Variants in CPA6 observed in about 807,000 individuals in gnomAD.
CPA6 encodes the protein carboxypeptidase A6.
In CPA6, 58 loss-of-function variants were observed where a neutral mutation model predicts 63.3. That is an observed-to-expected ratio of 0.92 (90% CI 0.74 to 1.14). CPA6 has a LOEUF of 1.14. Among genes scored for constraint, CPA6 ranks in the 50% most tolerant of loss-of-function variants. The probability of loss-of-function intolerance (pLI) is 0.00; values close to 1 mark genes in which losing one functional copy is unlikely to be tolerated. For missense variants in CPA6, 565 were observed against 526.6 expected (o/e 1.07, Z -0.71); for synonymous variants, 185 against 179.0 (o/e 1.03, Z -0.27).
At chr8:67,487,117 C>T (rs970266276) in intron 6 of CPA6, among the ~76,000 whole-genome samples, 1 of 152,110 alleles carries the variant, frequency 6.6e-6, no homozygotes, top group African/African-American at 2.4e-5. Flanking sequence ...AGGTTTGTTA[C>T]ATAGGTATAC....
chr8:67,476,745 A>G (rs1811248974), intron 8 of CPA6, among the ~76,000 whole-genome samples: 2 of 152,162 alleles, frequency 1.3e-5, no homozygotes, highest in Admixed American at 6.5e-5. Context: ...AGTCAGTCAG[A>G]TTTGACTTTT....
At position 67,607,243 on chromosome 8, in the gene CPA6, CTTCTT is replaced by C. The variant is rs1564021489; in HGVS notation, c.192+16928_192+16932del. Among the ~76,000 whole-genome samples, 35 of 115,638 alleles carry C rather than the reference CTTCTT, an allele frequency of 3.0e-4. 2 individuals carry two copies. In the East Asian group the frequency reaches 3.5e-3, roughly 12 times the overall value. The allele number at this position is 115,638 out of a possible 152,430, so 75.9% of individuals were successfully genotyped here. On this transcript the variant is annotated intron_variant, in intron 2 of 10. Transcript: ENST00000297770. Reference sequence around the variant, plus strand: ...TCTTCTTCTTCTTCTTCTTCTTCTTCTTCTTCTTCTCCTCCTCCTCCTTTCTTCTT... The same window carrying C: ...TCTTCTTCTTCTTCTTCTTCTTCTTCCTTCTCCTCCTCCTCCTTTCTTCTT...
At chr8:67,718,110 C>A (rs1817417783) in intron 1 of CPA6, among the ~76,000 whole-genome samples, 1 of 152,108 alleles carries the variant, frequency 6.6e-6, no homozygotes, top group Non-Finnish European at 1.5e-5. Flanking sequence ...CCTAAGCCAG[C>A]CTACCTTGGT....
chr8:67,699,350 A>G (rs751311361), intron 1 of CPA6, among the ~76,000 whole-genome samples: 2 of 151,894 alleles, frequency 1.3e-5, no homozygotes, highest in Non-Finnish European at 2.9e-5. Flanking sequence ...CGGGAGGTGG[A>G]GGTTGCACTG....
rs542603419 is a variant in CPA6, at chr8:67,543,060, CTTG to C, written c.193-25016_193-25014del. Among the ~76,000 whole-genome samples the C allele has an allele frequency of 5.8e-4, 88 of 152,248 alleles. 1 individual carries two copies. Among genetic ancestry groups the C allele is most frequent in the African/African-American group, 2.1e-3 (87 of 41,544 alleles). On this transcript the variant is annotated intron_variant, in intron 2 of 10. Coordinates refer to ENST00000297770, the MANE Select transcript of CPA6 (RefSeq NM_020361.5). ...TGCTAGTATTTTATTAGGATTTCTT[CTTG>C]TTGTTGTTGTTAGTATTCTGTCACA...
intron 1 of CPA6, among the ~76,000 whole-genome samples, chr8:67,671,807 A>G (rs1816348933): frequency 6.6e-6 from 1 of 152,154 alleles, no homozygotes; most frequent in Non-Finnish European, 1.5e-5. Context: ...AACCAGCATT[A>G]TTTTATTTTT....
intron 1 of CPA6, among the ~76,000 whole-genome samples, chr8:67,640,100 C>T (rs564047268): frequency 6.6e-6 from 1 of 151,356 alleles, no homozygotes; most frequent in East Asian, 1.9e-4. Flanking sequence ...GCCAGTTGGT[C>T]CATGGGCAGC....
intron 1 of CPA6, among the ~76,000 whole-genome samples, chr8:67,737,526 C>A (rs1460834227): frequency 3.3e-5 from 5 of 152,130 alleles, no homozygotes; most frequent in Non-Finnish European, 7.3e-5. Context: ...GGTTAGGTGA[C>A]CCTCTCCTGC....
chr8:67,580,791 C>A (rs141803986), intron 2 of CPA6, among the ~76,000 whole-genome samples: 4 of 152,190 alleles, frequency 2.6e-5, no homozygotes, highest in African/African-American at 7.2e-5. Flanking sequence ...AGTCACAGCA[C>A]CCCCAAAGTT....
chr8:67,564,062 T>C (rs1813278168), intron 2 of CPA6, among the ~76,000 whole-genome samples: 1 of 152,168 alleles, frequency 6.6e-6, no homozygotes, highest in Non-Finnish European at 1.5e-5. Context: ...GGACTTTGCA[T>C]AAATTGTTCA....
At chr8:67,515,109 C>T (rs1812115962) in intron 3 of CPA6, among the ~76,000 whole-genome samples, 1 of 152,178 alleles carries the variant, frequency 6.6e-6, no homozygotes, top group Admixed American at 6.5e-5. Flanking sequence ...AGGCCCTAGG[C>T]CCTCCCAAAC....
At chr8:67,560,712 A>G (rs1564000832) in intron 2 of CPA6, among the ~76,000 whole-genome samples, 3 of 152,104 alleles carry the variant, frequency 2.0e-5, no homozygotes, top group South Asian at 2.1e-4. Flanking sequence ...TTTGCATCCT[A>G]TGTGGGATAC....
At chr8:67,721,584 T>C (rs1817500693) in intron 1 of CPA6, among the ~76,000 whole-genome samples, 1 of 152,220 alleles carries the variant, frequency 6.6e-6, no homozygotes, top group East Asian at 1.9e-4. Flanking sequence ...ATCAGGACAC[T>C]GACAGGGAAG....
chr8:67,557,337 A>G (rs80168018), intron 2 of CPA6, among the ~76,000 whole-genome samples: 3,147 of 152,226 alleles, frequency 0.021, 42 homozygotes, highest in African/African-American at 0.045. Context: ...ATTGAGTTGC[A>G]TGTTTACCGA....
chr8:67,517,889 A>T, intron 3 of CPA6, 34 bp downstream of exon 3: 4 of 1,580,596 alleles, frequency 2.5e-6, no homozygotes, highest in Non-Finnish European at 3.4e-6. Context: ...TTTAGTACCA[A>T]TAAATTTTAT....
chr8:67,505,452 T>C (rs1199526302), intron 6 of CPA6, among the ~76,000 whole-genome samples: 1 of 152,218 alleles, frequency 6.6e-6, no homozygotes, highest in South Asian at 2.1e-4. Flanking sequence ...TACATTCTCA[T>C]GTTCTTCAAT....
chr8:67,644,017 G>C (rs567949858), intron 1 of CPA6, among the ~76,000 whole-genome samples: 8 of 152,208 alleles, frequency 5.3e-5, no homozygotes, highest in African/African-American at 1.7e-4. Flanking sequence ...TGGAGAAAAA[G>C]AGACATCTTC....
At chr8:67,705,845 C>G (rs1468029859) in intron 1 of CPA6, among the ~76,000 whole-genome samples, 1 of 152,200 alleles carries the variant, frequency 6.6e-6, no homozygotes, top group Non-Finnish European at 1.5e-5. Flanking sequence ...ATATGCTCCC[C>G]TTTCACAGGG....
intron 8 of CPA6, among the ~76,000 whole-genome samples, chr8:67,468,594 A>G (rs1269513251): frequency 1.4e-5 from 2 of 139,554 alleles, no homozygotes; most frequent in Admixed American, 1.4e-4. Context: ...AATAAAATAA[A>G]ATAAAATAAA....
Sources: gnomAD v4.1 joint callset for allele counts (sites outside exome capture counted in the v4.1 genomes callset) on GRCh38, gnomAD v4.1.1 for gene constraint, MANE v1.5 for transcripts, NCBI Gene and HGNC (gene_info 2026-07-23, HGNC 2026-07-21) for gene names.